The following HDGFL2 variants were observed in gnomAD, a reference collection of about 807,000 sequenced individuals.
The protein encoded by HDGFL2 is HDGF like 2.
HDGFL2 carries 36 observed loss-of-function variants against 77.1 expected under a neutral mutation model. That is an observed-to-expected ratio of 0.47 (90% CI 0.36 to 0.62). The LOEUF (loss-of-function observed/expected upper bound fraction) is 0.62, where lower values mean the gene tolerates loss of function less well. Ranked by LOEUF, HDGFL2 falls within the 20% of genes least tolerant of loss-of-function variation. The pLI is 0.00. For missense variants in HDGFL2, 976 were observed against 973.4 expected (o/e 1.00, Z -0.04); for synonymous variants, 463 against 413.1 (o/e 1.12, Z -1.46).
chr19:4,494,421 C>T lies in HDGFL2; in HGVS notation c.1170C>T (p.Gly390=). The T allele has an allele frequency of 7.1e-7, 1 of 1,407,016 alleles. No individual in the cohort carries two copies. The highest frequency in any genetic ancestry group is 1.5e-5 in the African/African-American group (1 of 65,878). 87.2% of individuals were successfully genotyped at this position (1,407,016 alleles called of 1,614,324 possible). Residue 390 remains glycine (G), a synonymous_variant, in exon 9 of 16, where the codon GGC becomes GGT. Coordinates refer to ENST00000616600, the MANE Select transcript of HDGFL2 (RefSeq NM_001001520.3). Reference sequence around the variant, plus strand: ...AGAAGCGGGGACGCAAGGGCCGGGGCCGGGGTCCCCCGTCCTCCTCTGACT... The same window carrying T: ...AGAAGCGGGGACGCAAGGGCCGGGGTCGGGGTCCCCCGTCCTCCTCTGACT... The part of the protein sequence containing the change: ...PVKKRGRKGR[G]RGPPSSSDSE...
intron 3 of HDGFL2, among the ~76,000 whole-genome samples, chr19:4,476,988 A>G (rs865872721): frequency 1.3e-5 from 2 of 152,110 alleles, no homozygotes; most frequent in Admixed American, 6.6e-5. Flanking sequence ...AAACTTGGCC[A>G]TTAAGGAAGA....
chr19:4,473,029 C>T (rs575343132), intron 1 of HDGFL2, among the ~76,000 whole-genome samples: 277 of 150,260 alleles, frequency 1.8e-3, no homozygotes, highest in African/African-American at 6.5e-3. Flanking sequence ...CTGGGGGTAT[C>T]CTGGGCCCGA....
At position 4,502,117 on chromosome 19, in the gene HDGFL2, G is replaced by C; in HGVS notation, c.*107G>C. On this transcript the variant is annotated 3_prime_UTR_variant, in exon 16 of 16. Transcript: ENST00000616600. ...AACTGTGGGGAACGCTGTGCTGTTTGTATTTGTTCCCTTGGGTTTTTTTTT... is the reference window on the plus strand; with the variant it reads ...AACTGTGGGGAACGCTGTGCTGTTTCTATTTGTTCCCTTGGGTTTTTTTTT... 1.2e-6 allele frequency: 1 copy of C among 827,608 alleles called. No individual in the cohort carries two copies. Among genetic ancestry groups the C allele is most frequent in the Non-Finnish European group, 2.0e-6 (1 of 501,824 alleles). The allele number at this position is 827,608 out of a possible 1,614,324, so 51.3% of individuals were successfully genotyped here. A position where few individuals can be genotyped will look rare whatever the true frequency, so the allele number is the denominator to read the frequency against.
intron 3 of HDGFL2, among the ~76,000 whole-genome samples, chr19:4,480,296 C>T (rs1211925975): frequency 6.6e-6 from 1 of 152,188 alleles, no homozygotes; most frequent in Non-Finnish European, 1.5e-5. Context: ...CCCCAGCTTG[C>T]AGGTCCCCCA....
At chr19:4,491,158 A>C (rs1282648872) in intron 4 of HDGFL2, among the ~76,000 whole-genome samples, 2 of 150,226 alleles carry the variant, frequency 1.3e-5, no homozygotes, top group African/African-American at 4.9e-5. Context: ...AAGCACATTC[A>C]CGTGGTTGTG....
intron 13 of HDGFL2, 38 bp from the exon 14 acceptor site, chr19:4,499,453 G>A (rs771394415): frequency 6.3e-7 from 1 of 1,594,002 alleles, no homozygotes; most frequent in East Asian, 2.2e-5. Flanking sequence ...TAGGGCCGCT[G>A]CACTTGGGTG....
intron 8 of HDGFL2, 53 bp from the exon 9 acceptor site, chr19:4,494,113 G>T: frequency 6.6e-7 from 1 of 1,512,820 alleles, no homozygotes; most frequent in Non-Finnish European, 8.8e-7. Context: ...TGAGGGGCAG[G>T]GCGGGCTCCT....
At chr19:4,501,074 G>T (rs926347147) in intron 14 of HDGFL2, 117 bp from the exon 15 acceptor site, 4 of 1,250,404 alleles carry the variant, frequency 3.2e-6, no homozygotes, top group Non-Finnish European at 4.5e-6. Context: ...CCAGGTGGAT[G>T]GGCATGTGTC....
intron 3 of HDGFL2, among the ~76,000 whole-genome samples, chr19:4,487,089 C>T (rs369291195): frequency 6.6e-6 from 1 of 151,680 alleles, no homozygotes; most frequent in African/African-American, 2.4e-5. Context: ...CTCAGCCTCC[C>T]GAGTAGCTGG....
chr19:4,500,789 A>G (rs917550340), intron 14 of HDGFL2, among the ~76,000 whole-genome samples: 1 of 152,006 alleles, frequency 6.6e-6, no homozygotes, highest in Non-Finnish European at 1.5e-5. Context: ...TATTTTTTGT[A>G]GAGACAGGGT....
chr19:4,493,394 G>T (rs556208903), intron 6 of HDGFL2, among the ~76,000 whole-genome samples: 7 of 151,858 alleles, frequency 4.6e-5, no homozygotes, highest in Non-Finnish European at 1.0e-4. Flanking sequence ...TGTGGCCTCC[G>T]CACAAGATTT....
Position 4,475,474 on chromosome 19 carries a change from C to T in HDGFL2, c.179C>T (p.Pro60Leu), listed in dbSNP as rs1349644954. ...TTCCTGGGACCCAAGGACCTGTTCC[C>T]CTACGACAAATGTAAAGACAAGTAC... ...TAFLGPKDLF[P>L]YDKCKDKYGK... Residue 60 changes from proline (P) to leucine (L), a missense_variant, in exon 3 of 16, where the codon CCC (proline) becomes CTC (leucine). Pro to Leu is a moderately conservative substitution (Grantham distance 98, BLOSUM62 -3). This residue lies in a region of HDGFL2 where 103 missense variants were observed against 145.7 expected (regional missense o/e 0.71). Coordinates refer to ENST00000616600, the MANE Select transcript of HDGFL2 (RefSeq NM_001001520.3). 1 of 1,611,692 alleles carries T rather than the reference C, an allele frequency of 6.2e-7. No individual in the cohort carries two copies. Among genetic ancestry groups the T allele is most frequent in the Non-Finnish European group, 8.5e-7 (1 of 1,179,444 alleles).
At chr19:4,496,523 T>A in intron 10 of HDGFL2, 118 bp downstream of exon 10, 1 of 764,560 alleles carries the variant, frequency 1.3e-6, no homozygotes, top group Non-Finnish European at 2.2e-6. Flanking sequence ...CCGGACCCGG[T>A]TGAAGTTCCT....
At chr19:4,478,386 G>A (rs910124335) in intron 3 of HDGFL2, among the ~76,000 whole-genome samples, 7 of 151,808 alleles carry the variant, frequency 4.6e-5, no homozygotes, top group African/African-American at 1.7e-4. Context: ...ATTTTTAGTA[G>A]AGACGATGTT....
chr19:4,496,440 C>T (rs1177865670), intron 10 of HDGFL2, 35 bp downstream of exon 10: 1 of 1,489,588 alleles, frequency 6.7e-7, no homozygotes, highest in Non-Finnish European at 9.3e-7. Context: ...ACCCTGGGGG[C>T]CCCGCACCCC....
chr19:4,485,626 C>T (rs1975339996), intron 3 of HDGFL2, among the ~76,000 whole-genome samples: 1 of 151,900 alleles, frequency 6.6e-6, no homozygotes, highest in Non-Finnish European at 1.5e-5. Flanking sequence ...CCTGTAGTCC[C>T]AGCTACTTGG....
At chr19:4,473,298 C>T (rs1467936083) in intron 1 of HDGFL2, among the ~76,000 whole-genome samples, 6 of 148,316 alleles carry the variant, frequency 4.0e-5, no homozygotes, top group Non-Finnish European at 9.0e-5. Flanking sequence ...GGGTCTGGGG[C>T]TTCTGTGCCT....
intron 1 of HDGFL2, among the ~76,000 whole-genome samples, chr19:4,474,569 C>G (rs965481180): frequency 6.6e-6 from 1 of 152,044 alleles, no homozygotes. Flanking sequence ...AGGGGAGAAG[C>G]CACTCCAGCC....
chr19:4,499,467 C>G (rs759567987), intron 13 of HDGFL2, 24 bp from the exon 14 acceptor site: 35 of 1,606,542 alleles, frequency 2.2e-5, no homozygotes, highest in Non-Finnish European at 3.0e-5. Flanking sequence ...TTGGGTGAGC[C>G]AGGCCTCTTC....
Sources: gnomAD v4.1 joint callset for allele counts (sites outside exome capture counted in the v4.1 genomes callset) on GRCh38, gnomAD v4.1.1 for gene constraint, gnomAD v4.1.1 regional missense constraint, MANE v1.5 for transcripts, NCBI Gene and HGNC (gene_info 2026-07-23, HGNC 2026-07-21) for gene names.